MAGI1: variants seen among roughly 807,000 people sequenced by gnomAD.
MAGI1 encodes the protein membrane associated guanylate kinase, WW and PDZ domain containing 1.
MAGI1 carries 58 observed loss-of-function variants against 139.9 expected under a neutral mutation model. That is an observed-to-expected ratio of 0.41 (90% CI 0.34 to 0.52). MAGI1 has a LOEUF of 0.52. MAGI1 is among the 20% of genes least tolerant of loss of function. The pLI is 0.12. For synonymous variants in MAGI1, 812 were observed against 737.9 expected, an observed-to-expected ratio of 1.10 and a Z score of -1.63; for missense variants, 1,874 against 1,901.6, an observed-to-expected ratio of 0.99 and a Z score of 0.27.
At chr3:65,612,363 C>A (rs571936837) in intron 2 of MAGI1, among the ~76,000 whole-genome samples, 1 of 152,184 alleles carries the variant, frequency 6.6e-6, no homozygotes, top group African/African-American at 2.4e-5. Flanking sequence ...TCCTCCCACA[C>A]ATAATATATT....
chr3:65,838,269 G>A (rs1367704134), intron 1 of MAGI1, among the ~76,000 whole-genome samples: 2 of 152,172 alleles, frequency 1.3e-5, no homozygotes, highest in Non-Finnish European at 2.9e-5. Context: ...CCGAGATCCC[G>A]CCACTGCAGT....
chr3:65,692,040 T>C (rs2088710952), intron 1 of MAGI1, among the ~76,000 whole-genome samples: 1 of 152,146 alleles, frequency 6.6e-6, no homozygotes, highest in South Asian at 2.1e-4. Flanking sequence ...GTATTTGTGA[T>C]TGAATTACAT....
chr3:65,358,188 G>C (rs1202680774), intron 22 of MAGI1, among the ~76,000 whole-genome samples: 1 of 152,150 alleles, frequency 6.6e-6, no homozygotes, highest in Non-Finnish European at 1.5e-5. Flanking sequence ...AAATGACAGT[G>C]CAAATGTTTT....
intron 1 of MAGI1, among the ~76,000 whole-genome samples, chr3:65,676,559 A>G (rs1051720300): frequency 1.3e-5 from 2 of 152,230 alleles, no homozygotes; most frequent in East Asian, 3.8e-4. Context: ...CAGGCCAGAA[A>G]GGTCATCTAG....
At chr3:65,498,095 A>T (rs1352886107) in intron 2 of MAGI1, among the ~76,000 whole-genome samples, 1 of 152,100 alleles carries the variant, frequency 6.6e-6, no homozygotes, top group African/African-American at 2.4e-5. Flanking sequence ...TTCTTGTAGC[A>T]GAATGGCAGG....
At chr3:65,561,967 A>G (rs2108020149) in intron 2 of MAGI1, among the ~76,000 whole-genome samples, 1 of 152,354 alleles carries the variant, frequency 6.6e-6, no homozygotes, top group East Asian at 1.9e-4. Context: ...ATTTTTCAAG[A>G]GAGACCATAT....
Position 65,361,363 on chromosome 3 carries a change from G to A in MAGI1, c.3496-26C>T, listed in dbSNP as rs748626181. The A allele has an allele frequency of 4.4e-5, 71 of 1,610,834 alleles. 1 individual carries two copies. In the South Asian group the frequency reaches 7.5e-4, roughly 17 times the overall value. ...CTGCCAAAGCAAAAGAAAACTAAGT[G>A]AGATTTGAAATTCATGTACGGATTC... is the stretch of plus-strand genomic sequence containing the variant. On this transcript the variant is annotated intron_variant, in intron 21 of 22. Coordinates refer to ENST00000402939, the MANE Select transcript of MAGI1 (RefSeq NM_001033057.2).
chr3:66,000,070 C>T (rs535636601), intron 1 of MAGI1, among the ~76,000 whole-genome samples: 1 of 148,388 alleles, frequency 6.7e-6, no homozygotes, highest in South Asian at 2.2e-4. Context: ...CCTCCCGGGT[C>T]CACGCCATTC....
In MAGI1 at chr3:65,439,916, TTGCTGCTGCTGTTGCTGCTGC is replaced by T; in HGVS notation, c.1212_1232del (p.Gln415_Gln421del). The T allele has an allele frequency of 3.0e-6, 4 of 1,344,984 alleles. No individual in the cohort carries two copies. Among genetic ancestry groups the T allele is most frequent in the Non-Finnish European group, 4.1e-6 (4 of 963,976 alleles). 83.3% of individuals were successfully genotyped at this position (1,344,984 alleles called of 1,614,324 possible). Reference sequence around the variant, plus strand: ...GCTGCTGCTGCTGCTGCTGCTGCTGTTGCTGCTGCTGTTGCTGCTGCTGCTGCTGCTCAAGCTGCTTCTTCC... The same window carrying T: ...GCTGCTGCTGCTGCTGCTGCTGCTGTTGCTGCTGCTCAAGCTGCTTCTTCC... On this transcript the variant is annotated inframe_deletion, in exon 9 of 23. Transcript: ENST00000402939.
intron 1 of MAGI1, among the ~76,000 whole-genome samples, chr3:65,899,988 T>C (rs7430400): frequency 0.087 from 13,302 of 152,148 alleles, 1,250 homozygotes; most frequent in East Asian, 0.32. Flanking sequence ...ATCTTGCAGT[T>C]AATCACTTAC....
intron 13 of MAGI1, among the ~76,000 whole-genome samples, chr3:65,399,027 A>C (rs961833789): frequency 6.6e-6 from 1 of 152,178 alleles, no homozygotes; most frequent in Admixed American, 6.5e-5. Flanking sequence ...ATGAGGGCAA[A>C]AGGAAGCTGC....
rs891912794 is a variant in MAGI1, at chr3:65,587,039, CTA to C, written c.430+34931_430+34932del. Among the ~76,000 whole-genome samples the C allele has an allele frequency of 3.9e-5, 6 of 152,286 alleles. No homozygotes were observed. In the East Asian group the frequency reaches 5.8e-4, roughly 15 times the overall value. On this transcript the variant is annotated intron_variant, in intron 2 of 22. Transcript: ENST00000402939. ...TGGTGAATTACCCCGAGATCCCTAA[CTA>C]TTGCTGTGTGAGGGCTTTGCTTTTG... is the stretch of plus-strand genomic sequence containing the variant.
At chr3:65,603,357 T>C (rs1196855506) in intron 2 of MAGI1, among the ~76,000 whole-genome samples, 1 of 152,204 alleles carries the variant, frequency 6.6e-6, no homozygotes, top group Non-Finnish European at 1.5e-5. Flanking sequence ...TATAGCACAG[T>C]GTTGAGATGG....
At chr3:65,922,983 CA>C (rs1289952444) in intron 1 of MAGI1, among the ~76,000 whole-genome samples, 1 of 152,108 alleles carries the variant, frequency 6.6e-6, no homozygotes, top group African/African-American at 2.4e-5. Flanking sequence ...CTATGCTGAA[CA>C]TAAGAGATTC....
intron 1 of MAGI1, among the ~76,000 whole-genome samples, chr3:65,727,413 T>C (rs2033737765): frequency 6.6e-6 from 1 of 152,196 alleles, no homozygotes; most frequent in South Asian, 2.1e-4. Flanking sequence ...TATTTGTTTT[T>C]GAGGTGGGGT....
At chr3:65,628,577 C>T (rs564579297) in intron 1 of MAGI1, among the ~76,000 whole-genome samples, 1 of 151,976 alleles carries the variant, frequency 6.6e-6, no homozygotes, top group East Asian at 1.9e-4. Context: ...AAATAAATCT[C>T]CAGACTCTCG....
At chr3:65,489,481 A>G (rs1447899163) in intron 3 of MAGI1, among the ~76,000 whole-genome samples, 1 of 152,216 alleles carries the variant, frequency 6.6e-6, no homozygotes, top group African/African-American at 2.4e-5. Flanking sequence ...ACTGTTTATA[A>G]CACGACCACC....
Position 65,573,636 on chromosome 3 carries a change from A to G in MAGI1, c.430+48336T>C, listed in dbSNP as rs569923052. ...ATGAAAAACCTGCAGCTAACATCAT[A>G]GTTAATGGTGAAAGAGTGAATGTTT... On this transcript the variant is annotated intron_variant, in intron 2 of 22. Coordinates refer to ENST00000402939, the MANE Select transcript of MAGI1 (RefSeq NM_001033057.2). 9.9e-5 allele frequency among the ~76,000 whole-genome samples: 15 copies of G among 152,256 alleles called. No homozygotes were observed. The East Asian group carries it at 2.9e-3, about 29-fold the overall frequency.
At chr3:65,489,358 T>C (rs1282755131) in intron 3 of MAGI1, among the ~76,000 whole-genome samples, 1 of 152,134 alleles carries the variant, frequency 6.6e-6, no homozygotes, top group Non-Finnish European at 1.5e-5. Context: ...AAATACTCAA[T>C]AAATATTTGT....
Sources: gnomAD v4.1 joint callset for allele counts (sites outside exome capture counted in the v4.1 genomes callset) on GRCh38, gnomAD v4.1.1 for gene constraint, MANE v1.5 for transcripts, NCBI Gene and HGNC (gene_info 2026-07-23, HGNC 2026-07-21) for gene names.